The following NXPH2 variants were observed in gnomAD, a reference collection of about 807,000 sequenced individuals.
NXPH2 encodes neurexophilin 2, also known as neurexophilin-2.
A neutral mutation model predicts 19.8 loss-of-function variants in NXPH2; 5 were observed. The observed-to-expected ratio is 0.25, with a 90% CI of 0.13 to 0.53. NXPH2 has a LOEUF of 0.53. Ranked by LOEUF, NXPH2 falls within the 20% of genes least tolerant of loss-of-function variation. The pLI is 0.96. For missense variants in NXPH2, 289 were observed against 322.8 expected (o/e 0.90, Z 0.80); for synonymous variants, 154 against 127.4 (o/e 1.21, Z -1.41).
chr2:138,727,155 T>C (rs1274709523), intron 1 of NXPH2, among the ~76,000 whole-genome samples: 3 of 152,222 alleles, frequency 2.0e-5, no homozygotes, highest in Non-Finnish European at 4.4e-5. Context: ...TGTCTGGATG[T>C]ACCACAGTTT....
At chr2:138,742,772 C>T (rs1184634575) in intron 1 of NXPH2, among the ~76,000 whole-genome samples, 1 of 152,182 alleles carries the variant, frequency 6.6e-6, no homozygotes, top group Non-Finnish European at 1.5e-5. Flanking sequence ...AACTTATATC[C>T]TAACTGTAGT....
In NXPH2 at chr2:138,713,356, A is replaced by G. The variant is rs533294077; in HGVS notation, c.52-41691T>C. 8.3e-4 allele frequency among the ~76,000 whole-genome samples: 127 copies of G among 152,142 alleles called. 1 individual carries two copies. Among genetic ancestry groups the G allele is most frequent in the Middle Eastern group, 3.2e-3 (1 of 316 alleles). ...GAGGGACCTTTGTACGTTGGGAGTG[A>G]CAGATTATTTGTCCCCCAGCCATCT... On this transcript the variant is annotated intron_variant, in intron 1 of 1. Coordinates refer to ENST00000272641, the MANE Select transcript of NXPH2 (RefSeq NM_007226.3).
At chr2:138,673,554 C>T (rs1484296910) in intron 1 of NXPH2, among the ~76,000 whole-genome samples, 1 of 151,964 alleles carries the variant, frequency 6.6e-6, no homozygotes, top group Non-Finnish European at 1.5e-5. Context: ...TTAAAATATA[C>T]AACACGTTGT....
At chr2:138,706,345 C>G (rs1009782345) in intron 1 of NXPH2, among the ~76,000 whole-genome samples, 1 of 152,160 alleles carries the variant, frequency 6.6e-6, no homozygotes, top group Non-Finnish European at 1.5e-5. Flanking sequence ...ATGACATGCT[C>G]TAGAAAAGTT....
intron 1 of NXPH2, among the ~76,000 whole-genome samples, chr2:138,723,182 A>AAGCG (rs1681306322): frequency 6.6e-6 from 1 of 152,174 alleles, no homozygotes; most frequent in Admixed American, 6.5e-5. Flanking sequence ...GCAAGCAAGC[A>AAGCG]GACAAACAAA....
chr2:138,676,102 G>C (rs539395889), intron 1 of NXPH2, among the ~76,000 whole-genome samples: 1 of 151,998 alleles, frequency 6.6e-6, no homozygotes, highest in African/African-American at 2.4e-5. Context: ...AACCTCATCC[G>C]TTTATTACTT....
At chr2:138,715,590 G>T (rs1681185232) in intron 1 of NXPH2, among the ~76,000 whole-genome samples, 3 of 152,138 alleles carry the variant, frequency 2.0e-5, no homozygotes, top group Non-Finnish European at 4.4e-5. Flanking sequence ...TCACTGGTGG[G>T]GCATGTGGAC....
At chr2:138,742,495 C>G (rs1042613893) in intron 1 of NXPH2, among the ~76,000 whole-genome samples, 1 of 152,154 alleles carries the variant, frequency 6.6e-6, no homozygotes, top group African/African-American at 2.4e-5. Flanking sequence ...CAGGAATTTT[C>G]TCACTAATAT....
At chr2:138,711,065 C>G (rs1681098273) in intron 1 of NXPH2, among the ~76,000 whole-genome samples, 2 of 151,038 alleles carry the variant, frequency 1.3e-5, no homozygotes, top group South Asian at 4.2e-4. Flanking sequence ...CTGCACCATT[C>G]TATTTAAAAA....
intron 1 of NXPH2, among the ~76,000 whole-genome samples, chr2:138,693,308 C>G (rs1218529911): frequency 6.6e-6 from 1 of 152,180 alleles, no homozygotes; most frequent in Non-Finnish European, 1.5e-5. Context: ...CCCTCCATCA[C>G]CTGCCTTTGG....
In NXPH2 at chr2:138,707,094, CAAAAAA is replaced by C. The variant is rs70982073; in HGVS notation, c.52-35435_52-35430del. Among the ~76,000 whole-genome samples, 14 of 34,840 alleles carry C rather than the reference CAAAAAA, an allele frequency of 4.0e-4. 2 individuals carry two copies. The Admixed American group carries it at 7.0e-3, about 18-fold the overall frequency. 22.9% of individuals were successfully genotyped at this position (34,840 alleles called of 152,430 possible). On this transcript the variant is annotated intron_variant, in intron 1 of 1. Coordinates refer to ENST00000272641, the MANE Select transcript of NXPH2 (RefSeq NM_007226.3). ...ATGACTTTAAGTACTTGCCCCATGACAAAAAAAAAAAAAAAAAAGAGCAAGAAGAAG... is the reference window on the plus strand; with the variant it reads ...ATGACTTTAAGTACTTGCCCCATGACAAAAAAAAAAAAGAGCAAGAAGAAG...
intron 1 of NXPH2, among the ~76,000 whole-genome samples, chr2:138,701,857 T>C (rs1032746010): frequency 3.9e-5 from 6 of 152,126 alleles, no homozygotes; most frequent in East Asian, 1.9e-4. Flanking sequence ...TCCGCTTTGG[T>C]AGGTGGGAAG....
chr2:138,671,840 A>G (rs1051844461), intron 1 of NXPH2, among the ~76,000 whole-genome samples, 175 bp from the exon 2 acceptor site: 1 of 152,240 alleles, frequency 6.6e-6, no homozygotes, highest in Non-Finnish European at 1.5e-5. Context: ...TAATTCAAGC[A>G]ATGGAAAACT....
At chr2:138,765,109 G>C (rs924857658) in intron 1 of NXPH2, among the ~76,000 whole-genome samples, 1 of 152,170 alleles carries the variant, frequency 6.6e-6, no homozygotes, top group Non-Finnish European at 1.5e-5. Context: ...AATGAAAAAT[G>C]CAGCCTTTCA....
At chr2:138,773,793 C>T (rs182270971) in intron 1 of NXPH2, among the ~76,000 whole-genome samples, 34 of 152,104 alleles carry the variant, frequency 2.2e-4, no homozygotes, top group African/African-American at 7.7e-4. Context: ...CTTTATGTGG[C>T]AAAAAAGCAG....
At chr2:138,690,012 T>A (rs1680724171) in intron 1 of NXPH2, among the ~76,000 whole-genome samples, 1 of 152,124 alleles carries the variant, frequency 6.6e-6, no homozygotes, top group South Asian at 2.1e-4. Flanking sequence ...TCAGAGACAA[T>A]CTTGAAATGT....
chr2:138,711,703 T>C (rs563506450), intron 1 of NXPH2, among the ~76,000 whole-genome samples: 1 of 152,320 alleles, frequency 6.6e-6, no homozygotes, highest in East Asian at 1.9e-4. Flanking sequence ...ACCTTTTCCA[T>C]GATATCTCCT....
At chr2:138,685,745 G>A (rs959658078) in intron 1 of NXPH2, among the ~76,000 whole-genome samples, 1 of 152,122 alleles carries the variant, frequency 6.6e-6, no homozygotes, top group Non-Finnish European at 1.5e-5. Context: ...ATCTTAAGTT[G>A]AACCAAAGTA....
At chr2:138,751,029 C>G (rs144020359) in intron 1 of NXPH2, among the ~76,000 whole-genome samples, 5 of 148,836 alleles carry the variant, frequency 3.4e-5, no homozygotes, top group Non-Finnish European at 6.0e-5. Flanking sequence ...CCCCTCCCCA[C>G]CCCCACCCCC....
Sources: gnomAD v4.1 joint callset for allele counts (sites outside exome capture counted in the v4.1 genomes callset) on GRCh38, gnomAD v4.1.1 for gene constraint, MANE v1.5 for transcripts, NCBI Gene and HGNC (gene_info 2026-07-23, HGNC 2026-07-21) for gene names.